GNPDA2: variants seen among roughly 807,000 people sequenced by gnomAD.
GNPDA2 encodes glcN6P deaminase 2.
Under a neutral mutation model 27.0 loss-of-function variants are expected in GNPDA2, and 24 were observed. The ratio of observed to expected loss-of-function variants is 0.89; its 90% CI spans 0.64 to 1.25. The LOEUF (loss-of-function observed/expected upper bound fraction) is 1.25, where lower values mean the gene tolerates loss of function less well. GNPDA2 is among the 50% of genes most tolerant of loss of function. GNPDA2 has a pLI of 0.00. For synonymous variants in GNPDA2, 94 were observed against 108.4 expected (o/e 0.87, Z 0.83); for missense variants, 286 against 335.1 (o/e 0.85, Z 1.14).
At chr4:44,704,544 C>T in intron 6 of GNPDA2, 1 of 727,090 alleles carries the variant, frequency 1.4e-6, no homozygotes, top group Non-Finnish European at 1.7e-6. Flanking sequence ...TGCTTCCAAA[C>T]TAGAAATAAT....
chr4:44,724,028 G>A (rs1458407576), intron 1 of GNPDA2, among the ~76,000 whole-genome samples: 1 of 152,164 alleles, frequency 6.6e-6, no homozygotes, highest in African/African-American at 2.4e-5. Context: ...TCTGAGAGGT[G>A]GTGGAAGGCA....
chr4:44,726,018 G>T (rs1392560994), intron 1 of GNPDA2, among the ~76,000 whole-genome samples: 1 of 152,120 alleles, frequency 6.6e-6, no homozygotes, highest in Non-Finnish European at 1.5e-5. Context: ...TCCTGAAAGC[G>T]TAAGGGTGGC....
chr4:44,723,549 T>C (rs1717815597), intron 1 of GNPDA2, among the ~76,000 whole-genome samples: 1 of 152,160 alleles, frequency 6.6e-6, no homozygotes, highest in Admixed American at 6.5e-5. Flanking sequence ...CTCCAGTTAC[T>C]GCAAAGGACA....
chr4:44,704,384 CT>C (rs1294287344), intron 6 of GNPDA2: 1 of 949,586 alleles, frequency 1.1e-6, no homozygotes, highest in African/African-American at 1.8e-5. Context: ...TAGTATTCAT[CT>C]GTCATTTGCT....
intron 2 of GNPDA2, among the ~76,000 whole-genome samples, chr4:44,719,459 C>A (rs1328319800): frequency 6.6e-6 from 1 of 151,966 alleles, no homozygotes; most frequent in Non-Finnish European, 1.5e-5. Flanking sequence ...TAAATAAATA[C>A]CACACAGCAG....
intron 6 of GNPDA2, chr4:44,703,718 A>AT (rs1716415709): frequency 1.0e-6 from 1 of 983,686 alleles, no homozygotes; most frequent in Non-Finnish European, 1.2e-6. Context: ...AGAAATTACG[A>AT]TTTTAAATCC....
chr4:44,720,397 G>GAAAGC (rs150243758), intron 2 of GNPDA2, among the ~76,000 whole-genome samples: 2,141 of 152,174 alleles, frequency 0.014, 44 homozygotes, highest in African/African-American at 0.048. Flanking sequence ...GAATATGAGT[G>GAAAGC]AAAGCAAAGC....
At chr4:44,722,011 A>G in intron 2 of GNPDA2, 73 bp downstream of exon 2, 1 of 1,184,132 alleles carries the variant, frequency 8.4e-7, no homozygotes, top group Non-Finnish European at 1.2e-6. Context: ...GTATCTTAAA[A>G]GAAACCCTTC....
At chr4:44,706,313 T>C (rs1716603048) in intron 6 of GNPDA2, 1 of 150,022 alleles carries the variant, frequency 6.7e-6, no homozygotes, top group Non-Finnish European at 1.5e-5. Context: ...ATAATCTAAG[T>C]GTTAATAAGG....
intron 4 of GNPDA2, among the ~76,000 whole-genome samples, chr4:44,715,847 T>C (rs1267799532): frequency 1.3e-5 from 2 of 151,986 alleles, no homozygotes; most frequent in Non-Finnish European, 2.9e-5. Flanking sequence ...GTAAAAACTA[T>C]CTTAAAGAGA....
At chr4:44,722,319 ATAAT>A (rs1717724040) in intron 1 of GNPDA2, 77 bp from the exon 2 acceptor site, 6 of 1,116,912 alleles carry the variant, frequency 5.4e-6, no homozygotes, top group South Asian at 1.6e-5. Context: ...AAAGATGTAA[ATAAT>A]AAATAGAGCA....
At chr4:44,703,568 C>G in intron 6 of GNPDA2, 2 of 986,242 alleles carry the variant, frequency 2.0e-6, no homozygotes, top group Non-Finnish European at 2.4e-6. Flanking sequence ...ATACATTACC[C>G]TATCCATTCG....
chr4:44,713,021 T>C (rs1274735403), intron 4 of GNPDA2, among the ~76,000 whole-genome samples: 1 of 152,206 alleles, frequency 6.6e-6, no homozygotes, highest in Non-Finnish European at 1.5e-5. Flanking sequence ...TTATCTTCAT[T>C]ACTATATTAC....
intron 2 of GNPDA2, among the ~76,000 whole-genome samples, 165 bp downstream of exon 2, chr4:44,721,916 ATAG>A (rs1717693116): frequency 6.6e-6 from 1 of 152,196 alleles, no homozygotes; most frequent in Non-Finnish European, 1.5e-5. Flanking sequence ...CACATTGTAG[ATAG>A]TAGATTTTAT....
At chr4:44,721,433 C>T (rs1007124450) in intron 2 of GNPDA2, among the ~76,000 whole-genome samples, 1 of 151,996 alleles carries the variant, frequency 6.6e-6, no homozygotes, top group Non-Finnish European at 1.5e-5. Context: ...ACTTTAGTTC[C>T]AGGTCTAACA....
At chr4:44,704,070 A>T (rs1008215473) in intron 6 of GNPDA2, 6 of 985,132 alleles carry the variant, frequency 6.1e-6, no homozygotes, top group Admixed American at 1.2e-4. Context: ...AAAGGCTGCA[A>T]AAAGGACTCT....
intron 6 of GNPDA2, chr4:44,703,943 T>G (rs1373353997): frequency 1.0e-6 from 1 of 984,798 alleles, no homozygotes; most frequent in African/African-American, 1.7e-5. Flanking sequence ...AGTTAAGTTT[T>G]CCAGGTATTA....
intron 4 of GNPDA2, chr4:44,714,739 C>T: frequency 1.2e-6 from 1 of 825,212 alleles, no homozygotes; most frequent in Non-Finnish European, 1.5e-6. Flanking sequence ...CCTAGATCAA[C>T]AAATGAGATT....
rs751819125 is a variant in GNPDA2 at position 44,722,181 on chromosome 4, A to G, written c.27T>C (p.Tyr9=). MRLVILDN[Y]DLASEWAAKY... ...TGGCTGCCCATTCACTAGCCAAGTC[A>G]TAGTTATCAAGAATTACAAGCCTCA... Residue 9 remains tyrosine, a synonymous_variant, in exon 2 of 7, where the codon TAT becomes TAC. Coordinates refer to ENST00000295448, the MANE Select transcript of GNPDA2 (RefSeq NM_138335.3). 2.5e-6 allele frequency: 4 copies of G among 1,613,102 alleles called. No homozygotes were observed. The African/African-American group carries it at 5.3e-5, about 22-fold the overall frequency.
Sources: gnomAD v4.1 joint callset for allele counts (sites outside exome capture counted in the v4.1 genomes callset) on GRCh38, gnomAD v4.1.1 for gene constraint, MANE v1.5 for transcripts, NCBI Gene and HGNC (gene_info 2026-07-23, HGNC 2026-07-21) for gene names.